ATP9B: variants seen among roughly 807,000 people sequenced by gnomAD.
ATP9B encodes the protein probable phospholipid-transporting ATPase IIB.
In ATP9B, 110 loss-of-function variants were observed where a neutral mutation model predicts 146.1. The observed-to-expected ratio is 0.75, with a 90% CI of 0.65 to 0.88. The LOEUF (loss-of-function observed/expected upper bound fraction) is 0.88. Among genes scored for constraint, ATP9B ranks in the 40% least tolerant of loss-of-function variants. ATP9B has a pLI of 0.00. For missense variants in ATP9B, 1,499 were observed against 1,496.4 expected, an observed-to-expected ratio of 1.00 and a Z score of -0.03; for synonymous variants, 604 against 569.7, an observed-to-expected ratio of 1.06 and a Z score of -0.86.
intron 12 of ATP9B, among the ~76,000 whole-genome samples, chr18:79,276,556 A>G (rs1482135091): frequency 6.6e-6 from 1 of 152,104 alleles, no homozygotes; most frequent in Non-Finnish European, 1.5e-5. Context: ...TTGCAGGAGG[A>G]CCCCGCCTGC....
chr18:79,377,527 A>T lies in ATP9B; in HGVS notation c.*144A>T. The T allele has an allele frequency of 9.1e-7, 1 of 1,099,594 alleles. No individual in the cohort carries two copies. The highest frequency in any genetic ancestry group is 1.3e-6 in the Non-Finnish European group (1 of 780,408). The allele number at this position is 1,099,594 out of a possible 1,614,324, so 68.1% of individuals were successfully genotyped here. A position where few individuals can be genotyped will look rare whatever the true frequency, so the allele number is the denominator to read the frequency against. ...AGGGTACGCCAGGCGAGCCCAGGGC[A>T]CAGATGCTGAGACAGCCTCTCCTTC... On this transcript the variant is annotated 3_prime_UTR_variant, in exon 30 of 30. Coordinates refer to ENST00000426216, the MANE Select transcript of ATP9B (RefSeq NM_198531.5).
chr18:79,142,345 A>G (rs1055505725), intron 5 of ATP9B, among the ~76,000 whole-genome samples: 16 of 152,236 alleles, frequency 1.1e-4, no homozygotes, highest in Non-Finnish European at 2.1e-4. Context: ...TTTCTATTCA[A>G]AATGTTTTAA....
At chr18:79,368,436 A>C (rs1454781000) in intron 26 of ATP9B, among the ~76,000 whole-genome samples, 1 of 152,136 alleles carries the variant, frequency 6.6e-6, no homozygotes, top group Admixed American at 6.5e-5. Flanking sequence ...CTTATCCTTC[A>C]AAGTGTGGAG....
At chr18:79,297,039 C>G (rs928799057) in intron 13 of ATP9B, among the ~76,000 whole-genome samples, 1 of 138,772 alleles carries the variant, frequency 7.2e-6, no homozygotes, top group African/African-American at 2.7e-5. Flanking sequence ...AGAGAGAAGA[C>G]AGAGAGATGA....
At chr18:79,195,922 C>T (rs1337879377) in intron 9 of ATP9B, among the ~76,000 whole-genome samples, 1 of 152,204 alleles carries the variant, frequency 6.6e-6, no homozygotes, top group Non-Finnish European at 1.5e-5. Context: ...GAAACATTGA[C>T]AGCTCAAGTG....
chr18:79,305,348 A>G (rs1471745361), intron 14 of ATP9B, among the ~76,000 whole-genome samples: 1 of 152,218 alleles, frequency 6.6e-6, no homozygotes, highest in Non-Finnish European at 1.5e-5. Context: ...TACTGTCGGC[A>G]TGCTGTCAAA....
At position 79,377,237 on chromosome 18, in the gene ATP9B, C is replaced by G; in HGVS notation, c.3308-10C>G. 1.2e-6 allele frequency: 2 copies of G among 1,610,898 alleles called. No individual in the cohort carries two copies. Among genetic ancestry groups the G allele is most frequent in the Non-Finnish European group, 8.5e-7 (1 of 1,179,980 alleles). Reference sequence around the variant, plus strand: ...CAGCTCTTACCTTTTTCTCTGTTTCCTGCCAACAGATGTTGCCTTTATCAC... The same window carrying G: ...CAGCTCTTACCTTTTTCTCTGTTTCGTGCCAACAGATGTTGCCTTTATCAC... On this transcript the variant is annotated splice_polypyrimidine_tract_variant and intron_variant, in intron 29 of 29. Coordinates refer to ENST00000426216, the MANE Select transcript of ATP9B (RefSeq NM_198531.5).
chr18:79,187,863 A>T (rs2148073337), intron 8 of ATP9B, among the ~76,000 whole-genome samples: 1 of 152,348 alleles, frequency 6.6e-6, no homozygotes, highest in African/African-American at 2.4e-5. Flanking sequence ...TCAACAGAAA[A>T]ATAGTAAATA....
intron 1 of ATP9B, among the ~76,000 whole-genome samples, chr18:79,074,181 T>C (rs557338500): frequency 6.6e-6 from 1 of 152,312 alleles, no homozygotes; most frequent in Admixed American, 6.5e-5. Context: ...TCCTGGTCTC[T>C]GTTGGTGCTG....
chr18:79,328,215 C>T (rs1233705138), intron 15 of ATP9B, among the ~76,000 whole-genome samples: 2 of 152,150 alleles, frequency 1.3e-5, no homozygotes, highest in African/African-American at 2.4e-5. Flanking sequence ...GCATGTTCCC[C>T]ATGGTTAGTG....
At chr18:79,120,359 TAAAA>T (rs139008210) in intron 4 of ATP9B, among the ~76,000 whole-genome samples, 4,803 of 152,286 alleles carry the variant, frequency 0.032, 109 homozygotes, top group Non-Finnish European at 0.041. Flanking sequence ...TAATTTTAAA[TAAAA>T]CAAGTTACTT....
chr18:79,354,876 AGG>A (rs1170168493), intron 25 of ATP9B, among the ~76,000 whole-genome samples: 2 of 152,244 alleles, frequency 1.3e-5, no homozygotes, highest in African/African-American at 4.8e-5. Flanking sequence ...GGTCCACGAA[AGG>A]GGCACCAGGA....
intron 6 of ATP9B, among the ~76,000 whole-genome samples, chr18:79,152,811 C>G (rs527579262): frequency 6.6e-6 from 1 of 152,262 alleles, no homozygotes; most frequent in African/African-American, 2.4e-5. Flanking sequence ...CAATTATTTC[C>G]TCACTGATTG....
At chr18:79,175,931 C>T (rs548961610) in intron 7 of ATP9B, among the ~76,000 whole-genome samples, 11 of 152,296 alleles carry the variant, frequency 7.2e-5, no homozygotes, top group South Asian at 2.1e-4. Context: ...TCTGTATGGA[C>T]GTATACAAAT....
rs115901527 is a variant in ATP9B at position 79,074,823 on chromosome 18, G to A, written c.119+5294G>A. ...GAAATGGGTCTGTGGCATTTTGTCT[G>A]GACCAGAAGTTGTGCTTCTACATTA... is the stretch of plus-strand genomic sequence containing the variant. On this transcript the variant is annotated intron_variant, in intron 1 of 29. Transcript: ENST00000426216. Among the ~76,000 whole-genome samples the A allele has an allele frequency of 4.7e-3, 721 of 152,328 alleles. 4 individuals are homozygous for A. Among genetic ancestry groups the A allele is most frequent in the African/African-American group, 0.017 (696 of 41,570 alleles).
intron 13 of ATP9B, among the ~76,000 whole-genome samples, chr18:79,302,406 A>G (rs2146447709): frequency 6.6e-6 from 1 of 150,748 alleles, no homozygotes; most frequent in African/African-American, 2.4e-5. Context: ...ACCCCCGGGG[A>G]CAAGGTGAGA....
intron 6 of ATP9B, among the ~76,000 whole-genome samples, chr18:79,152,402 T>C (rs1476031153): frequency 6.6e-6 from 1 of 152,264 alleles, no homozygotes; most frequent in Non-Finnish European, 1.5e-5. Flanking sequence ...TGGGCTTTTA[T>C]GTACTCTGGT....
chr18:79,154,241 G>A (rs565788969), intron 6 of ATP9B, among the ~76,000 whole-genome samples: 35 of 151,940 alleles, frequency 2.3e-4, no homozygotes, highest in African/African-American at 6.8e-4. Flanking sequence ...AATTACAGGC[G>A]TGAGCCACCG....
intron 1 of ATP9B, among the ~76,000 whole-genome samples, chr18:79,077,498 C>G (rs1027372303): frequency 3.9e-5 from 6 of 152,156 alleles, no homozygotes; most frequent in African/African-American, 1.4e-4. Context: ...GTTAGATTTT[C>G]CACTTTTCAC....
Sources: allele counts gnomAD v4.1 joint callset (sites outside exome capture counted in the v4.1 genomes callset), GRCh38; gene constraint gnomAD v4.1.1; transcripts MANE v1.5; gene names NCBI Gene and HGNC (gene_info 2026-07-23, HGNC 2026-07-21).